CD163L1: variants seen among roughly 807,000 people sequenced by gnomAD.
CD163L1 encodes the protein scavenger receptor cysteine-rich type 1 protein M160.
In CD163L1, 124 loss-of-function variants were observed where a neutral mutation model predicts 165.4. The observed-to-expected ratio is 0.75, with a 90% confidence interval of 0.65 to 0.87. The LOEUF is 0.87. Among genes scored for constraint, CD163L1 ranks in the 40% least tolerant of loss-of-function variants. The pLI is 0.00. For missense variants in CD163L1, 1,525 were observed against 1,799.9 expected, an observed-to-expected ratio of 0.85 and a Z score of 2.76; for synonymous variants, 585 against 662.2, an observed-to-expected ratio of 0.88 and a Z score of 1.79.
chr12:7,335,510 T>C, the CD163L1 span, among the ~76,000 whole-genome samples: 1 of 152,312 alleles, frequency 6.6e-6, no homozygotes, highest in East Asian at 1.9e-4. Flanking sequence ...GATTAAATAC[T>C]TACATGTTAG....
chr12:7,369,124 T>C lies in CD163L1; in HGVS notation c.4040-159A>G, dbSNP rs1947090385. Among the ~76,000 whole-genome samples the C allele has an allele frequency of 6.6e-6, 1 of 152,212 alleles. No individual in the cohort carries two copies. Among genetic ancestry groups the C allele is most frequent in the Non-Finnish European group, 1.5e-5 (1 of 68,022 alleles). On this transcript the variant is annotated intron_variant, in intron 15 of 19. Coordinates refer to ENST00000313599, the MANE Select transcript of CD163L1 (RefSeq NM_174941.6). The surrounding 1 kb of genome is among the most constrained non-coding windows in gnomAD (Gnocchi z 4.9). ...AAAATATCAGTCAGAATCCTCTTGC[T>C]TCAAAGTCTAAGGCCAAATCCACCT...
intron 4 of CD163L1, among the ~76,000 whole-genome samples, chr12:7,429,952 A>G (rs1948602465): frequency 2.0e-5 from 3 of 152,130 alleles, no homozygotes; most frequent in Admixed American, 2.0e-4. Flanking sequence ...AGCTTCATCA[A>G]CTATCACTCA....
intron 4 of CD163L1, among the ~76,000 whole-genome samples, chr12:7,411,030 A>G (rs1326308629): frequency 6.6e-6 from 1 of 151,768 alleles, no homozygotes; most frequent in Non-Finnish European, 1.5e-5. Context: ...AAAGAAAACA[A>G]AACTTTAAAA....
the CD163L1 span, among the ~76,000 whole-genome samples, chr12:7,332,569 AC>A: frequency 6.6e-6 from 1 of 152,270 alleles, no homozygotes; most frequent in Non-Finnish European, 1.5e-5. Context: ...AGCCCATCAG[AC>A]TAACAGCTGA....
chr12:7,332,838 T>G, the CD163L1 span, among the ~76,000 whole-genome samples: 1 of 152,082 alleles, frequency 6.6e-6, no homozygotes, highest in Non-Finnish European at 1.5e-5. Context: ...CATGCCAAAT[T>G]GTAAAGACCA....
At position 7,369,363 on chromosome 12, in the gene CD163L1, A is replaced by C. The variant is rs745914422; in HGVS notation, c.4033T>G (p.Cys1345Gly). ...CGHKEDAGVR[C>G]SGQSLKSLNA... ...GCAGCCTTTTCACACTTACCAGAGC[A>C]CCTCACGCCAGCATCTTCCTTGTGT... Residue 1345 changes from cysteine (C) to glycine (G), a missense_variant, in exon 15 of 20, where the codon TGC (cysteine) becomes GGC (glycine). Coordinates refer to ENST00000313599, the MANE Select transcript of CD163L1 (RefSeq NM_174941.6). The surrounding 1 kb of genome is among the most constrained non-coding windows in gnomAD (Gnocchi z 4.9). 6.2e-7 allele frequency: 1 copy of C among 1,613,750 alleles called. No individual in the cohort carries two copies. Among genetic ancestry groups the C allele is most frequent in the South Asian group, 1.1e-5 (1 of 91,048 alleles).
chr12:7,399,441 C>T (rs1947866047), intron 6 of CD163L1, among the ~76,000 whole-genome samples: 1 of 147,518 alleles, frequency 6.8e-6, no homozygotes. Context: ...CTTCTTCTTC[C>T]TCTTCCTCTT....
intron 2 of CD163L1, chr12:7,439,232 C>G: frequency 6.3e-7 from 1 of 1,578,614 alleles, no homozygotes; most frequent in Non-Finnish European, 8.6e-7. Flanking sequence ...GACAAATTTT[C>G]TTTTTTTGTT....
chr12:7,348,303 A>G (rs1456307453), intron 4 of CD163L1, among the ~76,000 whole-genome samples: 1 of 152,242 alleles, frequency 6.6e-6, no homozygotes, highest in East Asian at 1.9e-4. Flanking sequence ...TCACATGATC[A>G]TAACTAGTTG....
intron 7 of CD163L1, 53 bp from the exon 8 acceptor site, chr12:7,396,468 T>TA: frequency 6.8e-6 from 10 of 1,479,716 alleles, no homozygotes; most frequent in Non-Finnish European, 9.1e-6. Context: ...GTTTATTTTA[T>TA]ATGTCAACTT....
chr12:7,416,359 T>C (rs1439075112), intron 4 of CD163L1, among the ~76,000 whole-genome samples: 2 of 152,166 alleles, frequency 1.3e-5, no homozygotes, highest in Admixed American at 6.5e-5. Flanking sequence ...TTCTCTCATT[T>C]TGTAGGTTGA....
intron 8 of CD163L1, among the ~76,000 whole-genome samples, chr12:7,391,487 G>A (rs1035176252): frequency 2.0e-5 from 3 of 152,064 alleles, no homozygotes; most frequent in Admixed American, 6.6e-5. Context: ...AAGGTTAGAC[G>A]AATGGCTAAC....
At chr12:7,405,727 T>C (rs1948002876) in intron 5 of CD163L1, among the ~76,000 whole-genome samples, 2 of 152,110 alleles carry the variant, frequency 1.3e-5, no homozygotes, top group Non-Finnish European at 2.9e-5. Context: ...GCTGGTAACG[T>C]AAGGTCAGTA....
the CD163L1 span, among the ~76,000 whole-genome samples, chr12:7,325,730 A>G: frequency 5.3e-5 from 8 of 152,178 alleles, no homozygotes; most frequent in Admixed American, 5.2e-4. Context: ...AGGAAAGGGA[A>G]CTCTGGCAAT....
chr12:7,374,815 A>G lies in CD163L1; in HGVS notation c.3094+16T>C. 6.2e-7 allele frequency: 1 copy of G among 1,614,148 alleles called. No homozygotes were observed. Among genetic ancestry groups the G allele is most frequent in the South Asian group, 1.1e-5 (1 of 91,084 alleles). On this transcript the variant is annotated intron_variant, in intron 12 of 19. Transcript: ENST00000313599. The surrounding 1 kb of genome is among the most constrained non-coding windows in gnomAD (Gnocchi z 5.4). The stretch of plus-strand genomic sequence containing the variant: ...TCTTTAGAGTTGCAGTGTTTCCTAA[A>G]ACTGATTCTGCTTACCTAAGCAGAT...
the CD163L1 span, among the ~76,000 whole-genome samples, chr12:7,334,128 T>C: frequency 1.0e-3 from 155 of 151,622 alleles, 1 homozygote; most frequent in East Asian, 0.026. Context: ...GAATCCTCCC[T>C]AACTCATTTT....
At chr12:7,320,945 C>T in the CD163L1 span, 12 of 778,398 alleles carry the variant, frequency 1.5e-5, no homozygotes, top group Admixed American at 1.1e-4. Context: ...ATTCTATCGT[C>T]GGAGGACGGT....
chr12:7,425,618 C>T (rs1216053353), intron 4 of CD163L1, among the ~76,000 whole-genome samples: 1 of 151,982 alleles, frequency 6.6e-6, no homozygotes, highest in African/African-American at 2.4e-5. Context: ...CTATAAGGAA[C>T]TTAAGCAAGT....
rs775107011 is a variant in CD163L1, at chr12:7,348,120, G to A, written c.*25-973C>T. 5.3e-5 allele frequency among the ~76,000 whole-genome samples: 8 copies of A among 152,272 alleles called. No individual in the cohort carries two copies. The East Asian group carries it at 9.7e-4, about 18-fold the overall frequency. On this transcript the variant is annotated intron_variant, in intron 4 of 4. Transcript: ENST00000539726. Reference sequence around the variant, plus strand: ...TTATATTTGTCTATAATACCAGGAGGTGTAAATAGGCTATACTAAAATTAA... The same window carrying A: ...TTATATTTGTCTATAATACCAGGAGATGTAAATAGGCTATACTAAAATTAA...
Sources: allele counts gnomAD v4.1 joint callset (sites outside exome capture counted in the v4.1 genomes callset), GRCh38; gene constraint gnomAD v4.1.1; non-coding constraint Gnocchi (gnomAD v3.1); transcripts MANE v1.5; gene names NCBI Gene and HGNC (gene_info 2026-07-23, HGNC 2026-07-21).